MAGT1: variants seen among roughly 807,000 people sequenced by gnomAD.
The protein encoded by MAGT1 is dolichyl-diphosphooligosaccharide--protein glycosyltransferase subunit MAGT1.
MAGT1 carries 4 observed loss-of-function variants against 28.4 expected under a neutral mutation model. That is an observed-to-expected ratio of 0.14 (90% CI 0.07 to 0.32). The LOEUF is 0.32. Among genes scored for constraint, MAGT1 ranks in the 10% least tolerant of loss-of-function variants. The pLI, the probability that MAGT1 is intolerant of heterozygous loss-of-function variation, is 1.00. For missense variants in MAGT1, 193 were observed against 264.5 expected (o/e 0.73, Z 1.88); for synonymous variants, 89 against 89.7 (o/e 0.99, Z 0.04).
intron 8 of MAGT1, 34 bp downstream of exon 8, chrX:77,841,212 G>A (rs782031975): frequency 2.1e-5 from 21 of 1,018,700 alleles, no homozygotes; most frequent in Non-Finnish European, 2.8e-5. Flanking sequence ...CATAGTACAG[G>A]CAGCACTGTT....
At chrX:77,878,372 C>T (rs1315176231) in intron 1 of MAGT1, among the ~76,000 whole-genome samples, 3 of 98,773 alleles carry the variant, frequency 3.0e-5, no homozygotes, top group Non-Finnish European at 6.0e-5. Context: ...ACTTGGGAGG[C>T]TGAGGCAGGA....
intron 3 of MAGT1, among the ~76,000 whole-genome samples, chrX:77,863,251 G>A (rs782695292): frequency 1.9e-4 from 21 of 109,474 alleles, no homozygotes; most frequent in South Asian, 1.5e-3. Flanking sequence ...GGTGGCTCAC[G>A]CCTGTAATCC....
intron 1 of MAGT1, among the ~76,000 whole-genome samples, chrX:77,884,218 C>T (rs781898579): frequency 9.0e-6 from 1 of 111,282 alleles, no homozygotes; most frequent in Non-Finnish European, 1.9e-5. Context: ...AAAACTTTTA[C>T]AATAAAATTA....
intron 7 of MAGT1, among the ~76,000 whole-genome samples, chrX:77,850,971 CTTTT>C (rs1309914869): frequency 1.0e-5 from 1 of 99,725 alleles, no homozygotes. Flanking sequence ...CTTTTCTGTT[CTTTT>C]TTTTTTTTTT....
Position 77,868,238 on chromosome X carries a change from A to T in MAGT1, c.390+2570T>A, listed in dbSNP as rs1054121974. ...TTTTATGTTTGATACAATTGAGTAA[A>T]ATATGTTCAAATATATGAATTAGAC... On this transcript the variant is annotated intron_variant, in intron 3 of 9. Coordinates refer to ENST00000618282, the MANE Select transcript of MAGT1 (RefSeq NM_001367916.1). 1.3e-4 allele frequency: 9 copies of T among 67,568 alleles called. 4 individuals are homozygous for T. The highest frequency in any genetic ancestry group is 1.2e-3 in the Admixed American group (6 of 4,972). The allele number at this position is 67,568 out of a possible 1,213,427, so 5.6% of individuals were successfully genotyped here. A position where few individuals can be genotyped will look rare whatever the true frequency, so the allele number is the denominator to read the frequency against.
chrX:77,858,494 C>A (rs192955277), intron 3 of MAGT1, among the ~76,000 whole-genome samples: 28 of 111,556 alleles, frequency 2.5e-4, no homozygotes, highest in African/African-American at 8.1e-4. Flanking sequence ...CCTGGCCTTA[C>A]AATTATAATT....
rs782534818 is a variant in MAGT1 at position 77,857,387 on chromosome X, G to C, written c.501C>G (p.Ala167=). The change falls in exon 4 of 10, where the codon GCC becomes GCG. Residue 167 remains alanine (A), a synonymous_variant. Coordinates refer to ENST00000618282, the MANE Select transcript of MAGT1 (RefSeq NM_001367916.1). The part of the protein sequence containing the change: ...QVRGFSAEQI[A]RWIADRTDVN... ...CATCAGTTCTGTCGGCGATCCACCG[G>C]GCAATCTGCTCAGCTGAAAAACCCC... 11 of 1,209,582 alleles carry C rather than the reference G, an allele frequency of 9.1e-6. No individual in the cohort carries two copies. The African/African-American group carries it at 1.6e-4, about 17-fold the overall frequency.
intron 7 of MAGT1, among the ~76,000 whole-genome samples, chrX:77,845,377 G>T (rs1441094704): frequency 2.7e-5 from 3 of 111,375 alleles, no homozygotes; most frequent in Non-Finnish European, 5.6e-5. Flanking sequence ...ACACTGATGG[G>T]TCTTGATTCT....
chrX:77,837,273 G>C (rs2076921555), intron 8 of MAGT1: 1 of 111,041 alleles, frequency 9.0e-6, no homozygotes, highest in Non-Finnish European at 1.9e-5. Context: ...ATACTGACTG[G>C]ATTAAAAACT....
At chrX:77,869,860 A>T (rs2077016278) in intron 3 of MAGT1, among the ~76,000 whole-genome samples, 1 of 111,905 alleles carries the variant, frequency 8.9e-6, no homozygotes, top group Non-Finnish European at 1.9e-5. Context: ...AAAGAACTCA[A>T]AGTAGAACTA....
intron 7 of MAGT1, among the ~76,000 whole-genome samples, chrX:77,843,843 T>C (rs2076942492): frequency 9.0e-6 from 1 of 111,585 alleles, no homozygotes; most frequent in Non-Finnish European, 1.9e-5. Context: ...CCAGTATTTT[T>C]TTGCCAGTAT....
At chrX:77,842,912 A>G (rs1008884243) in intron 7 of MAGT1, among the ~76,000 whole-genome samples, 3 of 112,562 alleles carry the variant, frequency 2.7e-5, no homozygotes, top group Admixed American at 9.5e-5. Flanking sequence ...CATAAATACA[A>G]AATACAACAA....
chrX:77,888,998 C>T lies in MAGT1; in HGVS notation c.102+6311G>A, dbSNP rs1285867235. ...TATTATTATTATTATTATTTTGGGA[C>T]AGGGTCTGGCTCTGTCACCCAGGCT... On this transcript the variant is annotated intron_variant, in intron 1 of 9. Coordinates refer to ENST00000618282, the MANE Select transcript of MAGT1 (RefSeq NM_001367916.1). Among the ~76,000 whole-genome samples the T allele has an allele frequency of 1.1e-4, 12 of 108,829 alleles. No homozygotes were observed. In the Admixed American group the frequency reaches 1.2e-3, roughly 11 times the overall value. The allele number at this position is 108,829 out of a possible 115,157, so 94.5% of individuals were successfully genotyped here.
intron 7 of MAGT1, among the ~76,000 whole-genome samples, chrX:77,853,582 G>C (rs1349461771): frequency 1.8e-5 from 2 of 111,877 alleles, no homozygotes; most frequent in Non-Finnish European, 3.8e-5. Flanking sequence ...ACAATGCTTT[G>C]TTTAAATTTC....
chrX:77,856,686 TTAGGA>T (rs1373424318), intron 5 of MAGT1, 42 bp downstream of exon 5: 1 of 1,149,716 alleles, frequency 8.7e-7, no homozygotes, highest in African/African-American at 1.8e-5. Flanking sequence ...AAATACACTA[TTAGGA>T]ATTTTATTCA....
intron 3 of MAGT1, among the ~76,000 whole-genome samples, chrX:77,869,811 C>G (rs1557217180): frequency 9.0e-6 from 1 of 110,645 alleles, no homozygotes; most frequent in Admixed American, 9.7e-5. Flanking sequence ...GGAATGTAAA[C>G]TAGTACAACC....
chrX:77,870,714 C>T, intron 3 of MAGT1, 94 bp downstream of exon 3: 4 of 618,029 alleles, frequency 6.5e-6, no homozygotes, highest in Non-Finnish European at 1.1e-5. Context: ...TAAGAGCAAT[C>T]CCATTTAATG....
At chrX:77,881,599 A>AT (rs1406611484) in intron 1 of MAGT1, among the ~76,000 whole-genome samples, 1 of 110,360 alleles carries the variant, frequency 9.1e-6, no homozygotes, top group Non-Finnish European at 1.9e-5. Flanking sequence ...TGAACTCATC[A>AT]TTTTTTATGG....
At chrX:77,882,099 A>T (rs782594046) in intron 1 of MAGT1, among the ~76,000 whole-genome samples, 4 of 112,340 alleles carry the variant, frequency 3.6e-5, no homozygotes, top group Non-Finnish European at 7.5e-5. Context: ...ATTCAACAGC[A>T]CTTCATGCTA....
Sources: gnomAD v4.1 joint callset for allele counts (sites outside exome capture counted in the v4.1 genomes callset) on GRCh38, gnomAD v4.1.1 for gene constraint, MANE v1.5 for transcripts, NCBI Gene and HGNC (gene_info 2026-07-23, HGNC 2026-07-21) for gene names.